HP1BP3: variants seen among roughly 807,000 people sequenced by gnomAD.
HP1BP3 encodes the protein heterochromatin protein 1 binding protein 3, also known as heterochromatin protein 1-binding protein 3.
In HP1BP3, 12 loss-of-function variants were observed where a neutral mutation model predicts 62.5. The ratio of observed to expected loss-of-function variants is 0.19; its 90% CI spans 0.12 to 0.31. HP1BP3 has a LOEUF of 0.31. Ranked by LOEUF, HP1BP3 falls within the 10% of genes least tolerant of loss-of-function variation. HP1BP3 has a pLI of 1.00. For missense variants in HP1BP3, 502 were observed against 651.8 expected, an observed-to-expected ratio of 0.77 and a Z score of 2.50; for synonymous variants, 260 against 237.8, an observed-to-expected ratio of 1.09 and a Z score of -0.86.
intron 1 of HP1BP3, among the ~76,000 whole-genome samples, chr1:20,784,902 T>C (rs954597511): frequency 3.3e-5 from 5 of 152,210 alleles, no homozygotes; most frequent in Non-Finnish European, 7.3e-5. Flanking sequence ...ATAACAAATA[T>C]TTGCTTTTTG....
In HP1BP3 at chr1:20,779,850, G is replaced by A. The variant is rs1180479762; in HGVS notation, c.158C>T (p.Pro53Leu). 2 of 1,613,390 alleles carry A rather than the reference G, an allele frequency of 1.2e-6. No individual in the cohort carries two copies. The highest frequency in any genetic ancestry group is 4.5e-5 in the East Asian group (2 of 44,856). ...RTVNSTRETP[P>L]KSKLAEGEEE... Reference sequence around the variant, plus strand: ...CTCCCCTTCAGCAAGCTTGCTTTTGGGAGGAGTTTCCCGGGTAGAATTCAC... The same window carrying A: ...CTCCCCTTCAGCAAGCTTGCTTTTGAGAGGAGTTTCCCGGGTAGAATTCAC... Residue 53 changes from proline to leucine, a missense_variant, in exon 3 of 13, where the codon CCC becomes CTC. Pro to Leu is a moderately conservative substitution (Grantham distance 98). Coordinates refer to ENST00000438032, the MANE Select transcript of HP1BP3 (RefSeq NM_001372052.1).
intron 8 of HP1BP3, among the ~76,000 whole-genome samples, chr1:20,759,730 AG>A (rs1174633328): frequency 6.6e-6 from 1 of 152,190 alleles, no homozygotes; most frequent in Non-Finnish European, 1.5e-5. Flanking sequence ...AAGGAAGTAA[AG>A]GAACTGGCAA....
chr1:20,776,109 A>G, intron 4 of HP1BP3: 1 of 988,858 alleles, frequency 1.0e-6, no homozygotes, highest in Middle Eastern at 3.3e-4. Context: ...CTCAAAGCCA[A>G]TTCTTCAACT....
At chr1:20,748,509 G>A (rs1410036573) in intron 10 of HP1BP3, among the ~76,000 whole-genome samples, 3 of 152,246 alleles carry the variant, frequency 2.0e-5, no homozygotes, top group African/African-American at 7.2e-5. Context: ...CACTTTGGGA[G>A]GCCGAGGCCG....
At chr1:20,772,037 G>A (rs566430134) in intron 5 of HP1BP3, among the ~76,000 whole-genome samples, 76 of 152,288 alleles carry the variant, frequency 5.0e-4, no homozygotes, top group African/African-American at 1.8e-3. Context: ...CTATGTCTCT[G>A]AACTATTAAT....
chr1:20,777,975 C>A (rs773283837), intron 3 of HP1BP3, among the ~76,000 whole-genome samples: 5 of 152,122 alleles, frequency 3.3e-5, no homozygotes, highest in African/African-American at 4.8e-5. Flanking sequence ...AGGTTTTCCA[C>A]AATAAAATGT....
At position 20,745,598 on chromosome 1, in the gene HP1BP3, C is replaced by T; in HGVS notation, c.1312G>A (p.Glu438Lys). 6.2e-7 allele frequency: 1 copy of T among 1,613,768 alleles called. No individual in the cohort carries two copies. Among genetic ancestry groups the T allele is most frequent in the Non-Finnish European group, 8.5e-7 (1 of 1,179,682 alleles). ...PDDSRDEDEDEDESSEEDSED... is the reference protein window; with the variant it reads ...PDDSRDEDEDKDESSEEDSED... ...GAGTCTTCTTCTGATGACTCATCTT[C>T]ATCTTCATCCTCATCTCTAGAATCA... The change falls in exon 12 of 13, where the codon GAA becomes AAA. Residue 438 changes from glutamate to lysine, a missense_variant. Transcript: ENST00000438032.
At chr1:20,766,918 G>A (rs189057327) in intron 7 of HP1BP3, among the ~76,000 whole-genome samples, 5 of 152,200 alleles carry the variant, frequency 3.3e-5, no homozygotes, top group Admixed American at 6.5e-5. Context: ...ACTCCAGCCC[G>A]GGCAATAGAG....
At chr1:20,766,116 ACT>A (rs1285381691) in intron 7 of HP1BP3, among the ~76,000 whole-genome samples, 2 of 152,104 alleles carry the variant, frequency 1.3e-5, no homozygotes, top group South Asian at 2.1e-4. Context: ...ACATGGTAAA[ACT>A]CTGTCTCTAA....
chr1:20,777,127 C>T (rs1012499539), intron 3 of HP1BP3, among the ~76,000 whole-genome samples: 2 of 152,018 alleles, frequency 1.3e-5, no homozygotes, highest in East Asian at 3.9e-4. Flanking sequence ...ATGTATTCTC[C>T]AAGAGGAATG....
Position 20,747,643 on chromosome 1 carries a change from T to C in HP1BP3, c.1154A>G (p.Lys385Arg). The change falls in exon 11 of 13, where the codon AAA becomes AGA. Residue 385 changes from lysine to arginine, a missense_variant. By Grantham distance (26) the Lys-to-Arg change is conservative (BLOSUM62 2). Transcript: ENST00000438032. ...CTTTTCGCATTTCTGCAGGGTTTTT[T>C]TCAGCAAATGCACTGAAAAAAAAAA... Reference protein sequence around the residue: ...TNSNYQMHLLKKTLQKCEKNG... With the variant: ...TNSNYQMHLLRKTLQKCEKNG... 1 of 1,612,216 alleles carries C rather than the reference T, an allele frequency of 6.2e-7. No homozygotes were observed. Among genetic ancestry groups the C allele is most frequent in the Non-Finnish European group, 8.5e-7 (1 of 1,179,014 alleles).
intron 3 of HP1BP3, among the ~76,000 whole-genome samples, chr1:20,777,543 C>T (rs1195973033): frequency 1.3e-5 from 2 of 152,046 alleles, no homozygotes; most frequent in Non-Finnish European, 2.9e-5. Flanking sequence ...CTGCAACTTC[C>T]ACCTCCCCAG....
intron 1 of HP1BP3, among the ~76,000 whole-genome samples, chr1:20,785,245 T>C (rs779120537): frequency 1.3e-5 from 2 of 152,228 alleles, no homozygotes; most frequent in Non-Finnish European, 2.9e-5. Context: ...TAAAAAAAAG[T>C]ATTGTAGAAA....
chr1:20,781,519 C>T (rs2057545941), intron 1 of HP1BP3, among the ~76,000 whole-genome samples: 2 of 152,216 alleles, frequency 1.3e-5, no homozygotes, highest in South Asian at 4.1e-4. Flanking sequence ...CAATACCAGA[C>T]TTGTCAATTG....
At chr1:20,784,822 G>C (rs1341882466) in intron 1 of HP1BP3, among the ~76,000 whole-genome samples, 2 of 152,148 alleles carry the variant, frequency 1.3e-5, no homozygotes, top group African/African-American at 2.4e-5. Context: ...AAAATAAACA[G>C]TCTGAGTTTA....
intron 9 of HP1BP3, among the ~76,000 whole-genome samples, chr1:20,755,872 A>C: frequency 6.6e-6 from 1 of 152,330 alleles, no homozygotes; most frequent in East Asian, 1.9e-4. Flanking sequence ...CATCATGCCA[A>C]AAGAAGCCAG....
chr1:20,765,964 C>CAAAAAAAAA (rs34214380), intron 7 of HP1BP3, among the ~76,000 whole-genome samples: 4 of 69,650 alleles, frequency 5.7e-5, no homozygotes, highest in Non-Finnish European at 1.1e-4. Context: ...GACTCCGTCT[C>CAAAAAAAAA]AAAAAAAAAA....
rs777972246 is a variant in HP1BP3 at position 20,765,514 on chromosome 1, C to G, written c.753G>C (p.Val251=). ...CCAATTTTACTTGTGGTTCTGGATC[C>G]ACTGCAGAGCTCCTATTCTGAAAAG... ...SRNRKNRSSA[V]DPEPQVKLED... is the part of the protein sequence containing the mutation. The change falls in exon 8 of 13, where the codon GTG becomes GTC. Residue 251 remains valine, a synonymous_variant. Transcript: ENST00000438032. 1.9e-6 allele frequency: 3 copies of G among 1,612,418 alleles called. No individual in the cohort carries two copies. The highest frequency in any genetic ancestry group is 1.3e-5 in the African/African-American group (1 of 74,824).
rs2055193959 is a variant in HP1BP3, at chr1:20,744,625, A to G, written c.*172T>C. Reference sequence around the variant, plus strand: ...AAGGAAAAGGGCAGGCACCAATAAAAGCACCTAAAGCTAGCAAATGCCTAA... The same window carrying G: ...AAGGAAAAGGGCAGGCACCAATAAAGGCACCTAAAGCTAGCAAATGCCTAA... On this transcript the variant is annotated 3_prime_UTR_variant, in exon 13 of 13. Transcript: ENST00000438032. The G allele has an allele frequency of 6.5e-6, 4 of 617,054 alleles. No homozygotes were observed. The Admixed American group carries it at 1.3e-4, about 20-fold the overall frequency. The allele number at this position is 617,054 out of a possible 1,614,324, so 38.2% of individuals were successfully genotyped here.
Sources: gnomAD v4.1 joint callset for allele counts (sites outside exome capture counted in the v4.1 genomes callset) on GRCh38, gnomAD v4.1.1 for gene constraint, MANE v1.5 for transcripts, NCBI Gene and HGNC (gene_info 2026-07-23, HGNC 2026-07-21) for gene names.